The following HIPK2 variants were observed in gnomAD, a reference collection of about 807,000 sequenced individuals.
The protein encoded by HIPK2 is homeodomain-interacting protein kinase 2.
HIPK2 carries 27 observed loss-of-function variants against 113.7 expected under a neutral mutation model. The observed-to-expected ratio is 0.24, with a 90% CI of 0.17 to 0.33. The LOEUF (loss-of-function observed/expected upper bound fraction) is 0.33. Among genes scored for constraint, HIPK2 ranks in the 10% least tolerant of loss-of-function variants. The pLI, the probability that HIPK2 is intolerant of heterozygous loss-of-function variation, is 1.00. For synonymous variants in HIPK2, 631 were observed against 642.2 expected (o/e 0.98, Z 0.26); for missense variants, 1,257 against 1,588.0 (o/e 0.79, Z 3.54).
Position 139,683,957 on chromosome 7 carries a change from A to T in HIPK2, c.1103+31975T>A, listed in dbSNP as rs34146858. On this transcript the variant is annotated intron_variant, in intron 2 of 14. Coordinates refer to ENST00000406875, the MANE Select transcript of HIPK2 (RefSeq NM_022740.5). The surrounding 1 kb of genome is among the most constrained non-coding windows in gnomAD (Gnocchi z 4.2). ...TTGACTGAGCTTTGCAGATACCATGATTTTTTTTTTTTACACAAATTGAAG... is the reference window on the plus strand; with the variant it reads ...TTGACTGAGCTTTGCAGATACCATGTTTTTTTTTTTTTACACAAATTGAAG... Among the ~76,000 whole-genome samples, 57,597 of 148,840 alleles carry T rather than the reference A, an allele frequency of 0.39. 12,061 individuals carry two copies. Among genetic ancestry groups the T allele is most frequent in the Non-Finnish European group, 0.47 (31,804 of 67,086 alleles).
At chr7:139,753,888 T>C (rs996843599) in intron 1 of HIPK2, among the ~76,000 whole-genome samples, 12 of 152,230 alleles carry the variant, frequency 7.9e-5, no homozygotes, top group Non-Finnish European at 4.4e-5. Context: ...TTAAAGCAGA[T>C]TGCCCCATTT....
chr7:139,572,592 G>C lies in HIPK2; in HGVS notation c.*335C>G. On this transcript the variant is annotated 3_prime_UTR_variant, in exon 15 of 15. Coordinates refer to ENST00000406875, the MANE Select transcript of HIPK2 (RefSeq NM_022740.5). ...TTGGCGTAGAATGGGTTCTTGAGCT[G>C]GGTTTTTTGTTATTGACTTTTTTTT... 1 of 217,002 alleles carries C rather than the reference G, an allele frequency of 4.6e-6. No homozygotes were observed. Among genetic ancestry groups the C allele is most frequent in the Non-Finnish European group, 9.0e-6 (1 of 111,086 alleles). 13.4% of individuals were successfully genotyped at this position (217,002 alleles called of 1,614,324 possible).
rs548300291 is a variant in HIPK2, at chr7:139,714,517, A to G, written c.1103+1415T>C. Among the ~76,000 whole-genome samples, 159 of 152,244 alleles carry G rather than the reference A, an allele frequency of 1.0e-3. 2 individuals are homozygous for G. Among genetic ancestry groups the G allele is most frequent in the Middle Eastern group, 3.4e-3 (1 of 294 alleles). ...GGGAGCAAGAAGGGGAAGCTGGCCCAGGTCAGCCCCAGGAATGGGTGACAG... is the reference window on the plus strand; with the variant it reads ...GGGAGCAAGAAGGGGAAGCTGGCCCGGGTCAGCCCCAGGAATGGGTGACAG... On this transcript the variant is annotated intron_variant, in intron 2 of 14. Coordinates refer to ENST00000406875, the MANE Select transcript of HIPK2 (RefSeq NM_022740.5). The surrounding 1 kb of genome is among the most constrained non-coding windows in gnomAD (Gnocchi z 4.2).
chr7:139,647,794 T>C (rs1345792208), intron 2 of HIPK2, among the ~76,000 whole-genome samples: 1 of 152,236 alleles, frequency 6.6e-6, no homozygotes, highest in Non-Finnish European at 1.5e-5. Context: ...TGTGAGATGT[T>C]TGAAAGAATG....
chr7:139,737,651 C>T (rs962024402), intron 1 of HIPK2, among the ~76,000 whole-genome samples: 20 of 152,206 alleles, frequency 1.3e-4, no homozygotes, highest in Non-Finnish European at 5.9e-5. Flanking sequence ...GGAAGCTCCC[C>T]AGTGCCCCAT....
chr7:139,752,492 A>G (rs2117113571), intron 1 of HIPK2, among the ~76,000 whole-genome samples: 1 of 152,196 alleles, frequency 6.6e-6, no homozygotes, highest in Non-Finnish European at 1.5e-5. Context: ...CTTCTGCACC[A>G]AATCATGCCC....
Position 139,658,135 on chromosome 7 carries a change from G to A in HIPK2, c.1104-26410C>T, listed in dbSNP as rs144232488. On this transcript the variant is annotated intron_variant, in intron 2 of 14. Transcript: ENST00000406875. Reference sequence around the variant, plus strand: ...AGCCTGAGCAACATGGTGAAACCCCGTCTCTACTAAAAATAGAAAAATTAG... The same window carrying A: ...AGCCTGAGCAACATGGTGAAACCCCATCTCTACTAAAAATAGAAAAATTAG... 7.2e-3 allele frequency among the ~76,000 whole-genome samples: 1,089 copies of A among 152,212 alleles called. 8 individuals carry two copies. The highest frequency in any genetic ancestry group is 0.025 in the African/African-American group (1,020 of 41,534).
Position 139,570,059 on chromosome 7 carries a change from A to ATTATTTTAT in HIPK2, c.*2867_*2868insATAAAATAA, listed in dbSNP as rs1404259773. 1 of 152,232 alleles carries ATTATTTTAT rather than the reference A, an allele frequency of 6.6e-6. No homozygotes were observed. Among genetic ancestry groups the ATTATTTTAT allele is most frequent in the African/African-American group, 2.4e-5 (1 of 41,462 alleles). 9.4% of individuals were successfully genotyped at this position (152,232 alleles called of 1,614,324 possible). ...AGACAGAATAATTTTCTTTAAAATGAAAAGAACATTTTAAGCTGTCTTTCC... is the reference window on the plus strand; with the variant it reads ...AGACAGAATAATTTTCTTTAAAATGATTATTTTATAAAGAACATTTTAAGCTGTCTTTCC... On this transcript the variant is annotated 3_prime_UTR_variant, in exon 15 of 15. Coordinates refer to ENST00000406875, the MANE Select transcript of HIPK2 (RefSeq NM_022740.5).
intron 9 of HIPK2, among the ~76,000 whole-genome samples, chr7:139,607,476 T>C (rs1321144615): frequency 6.6e-6 from 1 of 152,134 alleles, no homozygotes; most frequent in Non-Finnish European, 1.5e-5. Context: ...CTGAGATCAG[T>C]GTGCTCAAAC....
intron 11 of HIPK2, among the ~76,000 whole-genome samples, chr7:139,600,063 G>A (rs1381498230): frequency 6.6e-6 from 1 of 152,024 alleles, no homozygotes; most frequent in Non-Finnish European, 1.5e-5. Flanking sequence ...CCTTACCCCT[G>A]ATGCTTCCTC....
intron 13 of HIPK2, among the ~76,000 whole-genome samples, 199 bp from the exon 14 acceptor site, chr7:139,575,487 C>T (rs750852718): frequency 1.1e-4 from 17 of 152,156 alleles, no homozygotes; most frequent in African/African-American, 2.4e-4. Context: ...CTCACTCCCT[C>T]GGCTGGGAGG....
intron 6 of HIPK2, among the ~76,000 whole-genome samples, chr7:139,623,038 G>A (rs1056534288): frequency 6.6e-6 from 1 of 152,220 alleles, no homozygotes; most frequent in Non-Finnish European, 1.5e-5. Flanking sequence ...GACCTCTGTA[G>A]AGGGCACCCC....
chr7:139,637,257 C>G (rs1369492038), intron 2 of HIPK2, among the ~76,000 whole-genome samples: 1 of 152,200 alleles, frequency 6.6e-6, no homozygotes, highest in African/African-American at 2.4e-5. Flanking sequence ...ACCCCACCCC[C>G]TTGCCGTAAG....
At chr7:139,606,317 TCTTCCATTTCTAAGATTA>T (rs1272698404) in intron 9 of HIPK2, among the ~76,000 whole-genome samples, 3 of 152,230 alleles carry the variant, frequency 2.0e-5, no homozygotes, top group African/African-American at 7.2e-5. Flanking sequence ...ACTGTTATTT[TCTTCCATTTCTAAGATTA>T]ATAAATTGAG....
intron 2 of HIPK2, among the ~76,000 whole-genome samples, chr7:139,670,534 T>C (rs995203564): frequency 2.6e-5 from 4 of 151,264 alleles, no homozygotes; most frequent in African/African-American, 9.7e-5. Flanking sequence ...TGAGCCATGA[T>C]TGCACCACTG....
rs114254674 is a variant in HIPK2 at position 139,599,614 on chromosome 7, T to C, written c.2435+803A>G. On this transcript the variant is annotated intron_variant, in intron 11 of 14. Transcript: ENST00000406875. ...GGATTAAACAAGCTATTGCTTCTAT[T>C]TAAGCAAGGTGCTAAATCAGTTAAA... Among the ~76,000 whole-genome samples, 376 of 152,316 alleles carry C rather than the reference T, an allele frequency of 2.5e-3. 4 individuals carry two copies. The highest frequency in any genetic ancestry group is 8.6e-3 in the African/African-American group (356 of 41,566).
intron 2 of HIPK2, among the ~76,000 whole-genome samples, chr7:139,638,793 G>C (rs1287091790): frequency 6.6e-6 from 1 of 151,748 alleles, no homozygotes; most frequent in African/African-American, 2.4e-5. Context: ...GAGTAGTTGG[G>C]ACTACAGGCG....
intron 1 of HIPK2, among the ~76,000 whole-genome samples, chr7:139,724,379 A>G (rs1795506286): frequency 6.6e-6 from 1 of 152,196 alleles, no homozygotes; most frequent in Non-Finnish European, 1.5e-5. Context: ...TCTAAATGAT[A>G]CATTTCCAAA....
intron 2 of HIPK2, among the ~76,000 whole-genome samples, chr7:139,656,758 A>G (rs1449776287): frequency 6.6e-6 from 1 of 152,136 alleles, no homozygotes; most frequent in Non-Finnish European, 1.5e-5. Context: ...TCATTTGTGC[A>G]CACCGCAATA....
Sources: gnomAD v4.1 joint callset for allele counts (sites outside exome capture counted in the v4.1 genomes callset) on GRCh38, gnomAD v4.1.1 for gene constraint, Gnocchi (gnomAD v3.1) non-coding constraint, MANE v1.5 for transcripts, NCBI Gene and HGNC (gene_info 2026-07-23, HGNC 2026-07-21) for gene names.